Variants in OPRK1 observed in about 807,000 individuals in gnomAD.
The protein encoded by OPRK1 is opioid receptor kappa 1.
Under a neutral mutation model 24.5 loss-of-function variants are expected in OPRK1, and 15 were observed. The observed-to-expected ratio is 0.61, with a 90% CI of 0.41 to 0.94. The LOEUF (loss-of-function observed/expected upper bound fraction) is 0.94. Ranked by LOEUF, OPRK1 falls within the 40% of genes least tolerant of loss-of-function variation. The probability of loss-of-function intolerance (pLI) is 0.00; values close to 1 mark genes in which losing one functional copy is unlikely to be tolerated. For missense variants in OPRK1, 479 were observed against 507.3 expected (o/e 0.94, Z 0.54); for synonymous variants, 205 against 198.0 (o/e 1.04, Z -0.30).
rs763194739 is a variant in OPRK1 at position 53,242,871 on chromosome 8, A to C, written c.258-7760T>G. 3.0e-5 allele frequency: 39 copies of C among 1,286,794 alleles called. No individual in the cohort carries two copies. In the South Asian group the frequency reaches 4.8e-4, roughly 16 times the overall value. 79.7% of individuals were successfully genotyped at this position (1,286,794 alleles called of 1,614,324 possible). Reference sequence around the variant, plus strand: ...CACACCAGTCCCTTTGGGATCTCTCAATTCATCACATGGTTTTGTCGTCTT... The same window carrying C: ...CACACCAGTCCCTTTGGGATCTCTCCATTCATCACATGGTTTTGTCGTCTT... On this transcript the variant is annotated intron_variant, in intron 2 of 3. Transcript: ENST00000265572.
At position 53,228,194 on chromosome 8, in the gene OPRK1, C is replaced by A. The variant is rs1015610963; in HGVS notation, c.*1103G>T. 1.3e-5 allele frequency: 2 copies of A among 152,182 alleles called. No homozygotes were observed. Among genetic ancestry groups the A allele is most frequent in the African/African-American group, 4.8e-5 (2 of 41,448 alleles). The allele number at this position is 152,182 out of a possible 1,614,324, so 9.4% of individuals were successfully genotyped here. On this transcript the variant is annotated 3_prime_UTR_variant, in exon 4 of 4. Coordinates refer to ENST00000265572, the MANE Select transcript of OPRK1 (RefSeq NM_000912.5). Reference sequence around the variant, plus strand: ...AATAGTACCTTGAGATCTACAGAAGCAAAACACCTTCCTCTCCGTGAATAG... The same window carrying A: ...AATAGTACCTTGAGATCTACAGAAGAAAAACACCTTCCTCTCCGTGAATAG...
rs1256716823 is a variant in OPRK1 at position 53,229,730 on chromosome 8, A to T, written c.710T>A (p.Ile237Asn). 5.0e-6 allele frequency: 8 copies of T among 1,614,006 alleles called. No individual in the cohort carries two copies. Among genetic ancestry groups the T allele is most frequent in the Non-Finnish European group, 6.8e-6 (8 of 1,180,028 alleles). ...KICVFIFAFV[I>N]PVLIIIVCYT... ...GCAGACGATGATGATGAGGACAGGGATCACGAAGGCAAAGATGAAGACGCA... is the reference window on the plus strand; with the variant it reads ...GCAGACGATGATGATGAGGACAGGGTTCACGAAGGCAAAGATGAAGACGCA... Residue 237 changes from isoleucine (I) to asparagine (N), a missense_variant, in exon 4 of 4, where the codon ATC (isoleucine) becomes AAC (asparagine). Coordinates refer to ENST00000265572, the MANE Select transcript of OPRK1 (RefSeq NM_000912.5).
At chr8:53,250,745 GCCCAGCC>G in intron 2 of OPRK1, 29 bp downstream of exon 2, 1 of 1,517,720 alleles carries the variant, frequency 6.6e-7, no homozygotes, top group Non-Finnish European at 8.9e-7. Context: ...TCCCTGCCCC[GCCCAGCC>G]CCCAGCGCTG....
intron 2 of OPRK1, among the ~76,000 whole-genome samples, chr8:53,249,285 C>A (rs902036989): frequency 2.0e-5 from 3 of 152,086 alleles, no homozygotes; most frequent in Non-Finnish European, 2.9e-5. Context: ...TACCCCACCA[C>A]CAAATAAATA....
At chr8:53,234,182 CAA>C (rs546459906) in intron 3 of OPRK1, among the ~76,000 whole-genome samples, 26 of 65,338 alleles carry the variant, frequency 4.0e-4, no homozygotes, top group South Asian at 7.3e-4. Flanking sequence ...GACTCTCTCT[CAA>C]AAAAAAAAAA....
At chr8:53,235,212 A>G (rs1806962978) in intron 2 of OPRK1, 101 bp from the exon 3 acceptor site, 9 of 905,874 alleles carry the variant, frequency 9.9e-6, no homozygotes, top group Non-Finnish European at 1.5e-5. Context: ...TTGCTTCTTC[A>G]TTCAATTATT....
At position 53,234,819 on chromosome 8, in the gene OPRK1, G is replaced by T; in HGVS notation, c.550C>A (p.Leu184Met). 1 of 1,614,210 alleles carries T rather than the reference G, an allele frequency of 6.2e-7. No individual in the cohort carries two copies. Among genetic ancestry groups the T allele is most frequent in the African/African-American group, 1.3e-5 (1 of 75,048 alleles). Residue 184 changes from leucine (L) to methionine (M), a missense_variant, in exon 3 of 4, where the codon CTG (leucine) becomes ATG (methionine). By Grantham distance (15) the Leu-to-Met change is conservative (BLOSUM62 2). Coordinates refer to ENST00000265572, the MANE Select transcript of OPRK1 (RefSeq NM_000912.5). ...GAGATGCCAACAGATGACGACAGCA[G>T]CCAGATGCAGATATTGATGATCTTT... is the stretch of plus-strand genomic sequence containing the variant. ...KAKIINICIWLLSSSVGISAI... is the reference protein window; with the variant it reads ...KAKIINICIWMLSSSVGISAI...
intron 2 of OPRK1, among the ~76,000 whole-genome samples, chr8:53,243,604 T>A (rs1196701899): frequency 1.3e-5 from 2 of 152,216 alleles, no homozygotes; most frequent in Non-Finnish European, 2.9e-5. Flanking sequence ...CCTCCATCTG[T>A]GATCACACAT....
intron 2 of OPRK1, among the ~76,000 whole-genome samples, chr8:53,249,378 G>T (rs1363389389): frequency 4.6e-5 from 7 of 152,042 alleles, no homozygotes; most frequent in African/African-American, 1.4e-4. Context: ...TGTCTCTTTA[G>T]TGGAGGCCAG....
intron 2 of OPRK1, among the ~76,000 whole-genome samples, chr8:53,237,988 C>A (rs1438520364): frequency 6.6e-6 from 1 of 152,116 alleles, no homozygotes; most frequent in East Asian, 1.9e-4. Context: ...AAGGGGAGAA[C>A]TCATGAGTAT....
At chr8:53,233,318 G>A (rs765659988) in intron 3 of OPRK1, among the ~76,000 whole-genome samples, 11 of 152,186 alleles carry the variant, frequency 7.2e-5, no homozygotes, top group Non-Finnish European at 1.6e-4. Flanking sequence ...AGGGGAGGAT[G>A]TGCCTGTGTG....
intron 2 of OPRK1, among the ~76,000 whole-genome samples, chr8:53,235,826 G>A (rs1263410696): frequency 1.3e-5 from 2 of 152,164 alleles, no homozygotes; most frequent in African/African-American, 2.4e-5. Flanking sequence ...TTCCAATTGA[G>A]AGAAGAGTAA....
rs1806673970 is a variant in OPRK1, at chr8:53,226,027, C to T, written c.*3270G>A. On this transcript the variant is annotated 3_prime_UTR_variant, in exon 4 of 4. Transcript: ENST00000265572. ...TACAATGTTCCAATTTAAAGTCAGC[C>T]AGTGTGCTCCCTGAATTTGCATGAG... The T allele has an allele frequency of 6.6e-6, 1 of 152,132 alleles. No homozygotes were observed. Among genetic ancestry groups the T allele is most frequent in the Non-Finnish European group, 1.5e-5 (1 of 68,040 alleles). 9.4% of individuals were successfully genotyped at this position (152,132 alleles called of 1,614,324 possible). A position where few individuals can be genotyped will look rare whatever the true frequency, so the allele number is the denominator to read the frequency against.
chr8:53,230,797 C>T (rs1286304811), intron 3 of OPRK1, among the ~76,000 whole-genome samples: 1 of 152,144 alleles, frequency 6.6e-6, no homozygotes, highest in Non-Finnish European at 1.5e-5. Flanking sequence ...GCTCTCTTTG[C>T]CCTGGTCCTT....
chr8:53,251,155 G>C lies in OPRK1; in HGVS notation c.-48-70C>G, dbSNP rs1807386196. Reference sequence around the variant, plus strand: ...GCCCGCGCCCTGGCCAGCGGCGCTGGGGACCCGGAGCCTGCGGACTCCCAC... The same window carrying C: ...GCCCGCGCCCTGGCCAGCGGCGCTGCGGACCCGGAGCCTGCGGACTCCCAC... On this transcript the variant is annotated intron_variant, in intron 1 of 3. Coordinates refer to ENST00000265572, the MANE Select transcript of OPRK1 (RefSeq NM_000912.5). 2.9e-6 allele frequency: 4 copies of C among 1,389,418 alleles called. No homozygotes were observed. In the South Asian group the frequency reaches 6.4e-5, roughly 22 times the overall value. The allele number at this position is 1,389,418 out of a possible 1,614,324, so 86.1% of individuals were successfully genotyped here.
intron 3 of OPRK1, 54 bp from the exon 4 acceptor site, chr8:53,229,883 T>C (rs140490345): frequency 1.2e-5 from 18 of 1,477,174 alleles, no homozygotes; most frequent in Middle Eastern, 1.8e-4. Context: ...GTTATTACCG[T>C]GGCTGCAAAG....
rs1272349023 is a variant in OPRK1, at chr8:53,227,767, C to G, written c.*1530G>C. ...TTCCAAAAGGTGAGAGTACATACACCACCGAGAACTTGCATGGTGAACAGA... is the reference window on the plus strand; with the variant it reads ...TTCCAAAAGGTGAGAGTACATACACGACCGAGAACTTGCATGGTGAACAGA... On this transcript the variant is annotated 3_prime_UTR_variant, in exon 4 of 4. Coordinates refer to ENST00000265572, the MANE Select transcript of OPRK1 (RefSeq NM_000912.5). The G allele has an allele frequency of 2.0e-5, 3 of 151,640 alleles. No homozygotes were observed. The highest frequency in any genetic ancestry group is 7.3e-5 in the African/African-American group (3 of 41,240). 9.4% of individuals were successfully genotyped at this position (151,640 alleles called of 1,614,324 possible).
chr8:53,240,131 T>G (rs1034609959), intron 2 of OPRK1, among the ~76,000 whole-genome samples: 1 of 152,168 alleles, frequency 6.6e-6, no homozygotes, highest in Non-Finnish European at 1.5e-5. Flanking sequence ...TACCCCTCAA[T>G]GGACAAAACA....
At chr8:53,248,403 C>T (rs932411779) in intron 2 of OPRK1, among the ~76,000 whole-genome samples, 3 of 152,154 alleles carry the variant, frequency 2.0e-5, no homozygotes, top group East Asian at 1.9e-4. Context: ...TGCTAGGAGC[C>T]TTTCCCATGT....
Sources: allele counts gnomAD v4.1 joint callset (sites outside exome capture counted in the v4.1 genomes callset), GRCh38; gene constraint gnomAD v4.1.1; transcripts MANE v1.5; gene names NCBI Gene and HGNC (gene_info 2026-07-23, HGNC 2026-07-21).